KIF1B: variants seen among roughly 807,000 people sequenced by gnomAD.
The protein encoded by KIF1B is kinesin family member 1B, also known as kinesin-like protein KIF1B.
Under a neutral mutation model 241.9 loss-of-function variants are expected in KIF1B, and 76 were observed. The observed-to-expected ratio is 0.31, with a 90% CI of 0.26 to 0.38. The LOEUF is 0.38. KIF1B is among the 10% of genes least tolerant of loss of function. The pLI is 1.00. For synonymous variants in KIF1B, 750 were observed against 796.7 expected (o/e 0.94, Z 0.99); for missense variants, 1,622 against 2,271.4 (o/e 0.71, Z 5.81).
chr1:10,291,571 G>C (rs1295312938), intron 16 of KIF1B, among the ~76,000 whole-genome samples: 1 of 152,016 alleles, frequency 6.6e-6, no homozygotes, highest in Non-Finnish European at 1.5e-5. Context: ...AATTAGCCGG[G>C]CATGGTGGTG....
At chr1:10,246,605 A>AT (rs1184531417) in intron 2 of KIF1B, among the ~76,000 whole-genome samples, 1 of 152,126 alleles carries the variant, frequency 6.6e-6, no homozygotes, top group Non-Finnish European at 1.5e-5. Flanking sequence ...TTAGCCGGGC[A>AT]TGGTGGTGCA....
In KIF1B at chr1:10,294,636, G is replaced by A. The variant is rs562392355; in HGVS notation, c.1591-450G>A. 2.0e-5 allele frequency among the ~76,000 whole-genome samples: 3 copies of A among 152,304 alleles called. No individual in the cohort carries two copies. In the South Asian group the frequency reaches 6.2e-4, roughly 32 times the overall value. On this transcript the variant is annotated intron_variant, in intron 17 of 48. Transcript: ENST00000676179. Reference sequence around the variant, plus strand: ...TAGTCCCAACACTTTGGGAGGCCAAGGAGGGTGGGTCAGTTGAGGTCAGTA... The same window carrying A: ...TAGTCCCAACACTTTGGGAGGCCAAAGAGGGTGGGTCAGTTGAGGTCAGTA...
chr1:10,287,205 C>T (rs1649756265), intron 15 of KIF1B, among the ~76,000 whole-genome samples: 2 of 152,170 alleles, frequency 1.3e-5, no homozygotes, highest in African/African-American at 2.4e-5. Context: ...AGACCTGTCT[C>T]AGTGAGTAGT....
Position 10,337,019 on chromosome 1 carries a change from GAA to G in KIF1B, c.3130-51_3130-50del. The G allele has an allele frequency of 6.2e-7, 1 of 1,611,900 alleles. No individual in the cohort carries two copies. The highest frequency in any genetic ancestry group is 1.1e-5 in the South Asian group (1 of 90,730). ...GATAAACAGAAGTAAGGCAACTGGGGAAAAATACGTTTTTATACTACTTTACC... is the reference window on the plus strand; with the variant it reads ...GATAAACAGAAGTAAGGCAACTGGGGAAATACGTTTTTATACTACTTTACC... On this transcript the variant is annotated intron_variant, in intron 29 of 48. Coordinates refer to ENST00000676179, the MANE Select transcript of KIF1B (RefSeq NM_001365951.3). This position sits in a 1 kb window ranked among gnomAD's most constrained non-coding sequence, Gnocchi z 4.0.
Position 10,377,677 on chromosome 1 carries a change from G to A in KIF1B, c.*1090G>A, listed in dbSNP as rs1638924246. On this transcript the variant is annotated 3_prime_UTR_variant, in exon 49 of 49. Coordinates refer to ENST00000676179, the MANE Select transcript of KIF1B (RefSeq NM_001365951.3). ...GGGCAGGCCGGGCACAGTGGCTCAC[G>A]CCTGTAATCCAAGCACTTGGGGAGG... The A allele has an allele frequency of 5.2e-6, 1 of 192,376 alleles. No homozygotes were observed. Among genetic ancestry groups the A allele is most frequent in the Non-Finnish European group, 1.1e-5 (1 of 92,132 alleles). 11.9% of individuals were successfully genotyped at this position (192,376 alleles called of 1,614,324 possible).
At chr1:10,225,321 C>A (rs1177049980) in intron 1 of KIF1B, among the ~76,000 whole-genome samples, 6 of 151,874 alleles carry the variant, frequency 4.0e-5, no homozygotes, top group Non-Finnish European at 8.8e-5. Context: ...TTGTCTTAAA[C>A]AAACAAACAA....
At chr1:10,324,725 A>G (rs1467427263) in intron 25 of KIF1B, 33 bp from the exon 26 acceptor site, 2 of 1,612,410 alleles carry the variant, frequency 1.2e-6, no homozygotes, top group African/African-American at 1.3e-5. Context: ...ATCTCATTAT[A>G]TTAACCCAAT....
intron 43 of KIF1B, among the ~76,000 whole-genome samples, chr1:10,367,167 C>T (rs1245282594): frequency 6.6e-5 from 10 of 151,574 alleles, no homozygotes; most frequent in Admixed American, 2.0e-4. Flanking sequence ...ATGATCTTGG[C>T]TCACTGCAAC....
At chr1:10,217,564 G>T (rs1646785950) in intron 1 of KIF1B, among the ~76,000 whole-genome samples, 1 of 152,060 alleles carries the variant, frequency 6.6e-6, no homozygotes, top group African/African-American at 2.4e-5. Flanking sequence ...TGATCCACCT[G>T]CCTCAGCCTC....
intron 1 of KIF1B, among the ~76,000 whole-genome samples, chr1:10,221,180 C>T (rs1027662140): frequency 1.4e-5 from 2 of 148,094 alleles, no homozygotes; most frequent in African/African-American, 5.1e-5. Flanking sequence ...TCACTGCAAC[C>T]TCCACCTCCG....
chr1:10,373,733 T>C (rs1638808330), intron 45 of KIF1B, among the ~76,000 whole-genome samples: 1 of 152,210 alleles, frequency 6.6e-6, no homozygotes, highest in Admixed American at 6.5e-5. Context: ...GCACAGCCGT[T>C]CAGGAACCCT....
At chr1:10,320,316 A>G (rs1030903427) in intron 23 of KIF1B, among the ~76,000 whole-genome samples, 180 bp downstream of exon 23, 1 of 152,194 alleles carries the variant, frequency 6.6e-6, no homozygotes. Context: ...TCCAGGCTGT[A>G]TTTTATGAGG....
chr1:10,313,027 C>T (rs1272423549), intron 22 of KIF1B, among the ~76,000 whole-genome samples: 1 of 151,432 alleles, frequency 6.6e-6, no homozygotes, highest in Non-Finnish European at 1.5e-5. Context: ...TAACATGAGG[C>T]TAACTATATA....
rs1557743700 is a variant in KIF1B at position 10,371,238 on chromosome 1, C to CT, written c.4923dup (p.Arg1642Ter). 1 of 1,614,112 alleles carries CT rather than the reference C, an allele frequency of 6.2e-7. No homozygotes were observed. Among genetic ancestry groups the CT allele is most frequent in the South Asian group, 1.1e-5 (1 of 91,084 alleles). ...TCCACCTGTCCCTCTCTGGTAGACT[C>CT]TAGGAGCAACTCTCTGGATCAGAAG... is the stretch of plus-strand genomic sequence containing the variant. On this transcript the variant is annotated frameshift_variant, in exon 45 of 49. Transcript: ENST00000676179. LOFTEE classifies it high-confidence loss of function.
At chr1:10,355,247 C>T (rs1652934711) in intron 38 of KIF1B, 1 of 152,366 alleles carries the variant, frequency 6.6e-6, no homozygotes, top group Non-Finnish European at 1.5e-5. Flanking sequence ...TGTCTGTCCA[C>T]TTGAATTCAC....
At position 10,378,874 on chromosome 1, in the gene KIF1B, A is replaced by AT. The variant is rs1321374537; in HGVS notation, c.*2297dup. The AT allele has an allele frequency of 7.6e-4, 171 of 224,492 alleles. No homozygotes were observed. The highest frequency in any genetic ancestry group is 9.7e-4 in the Non-Finnish European group (109 of 112,858). 13.9% of individuals were successfully genotyped at this position (224,492 alleles called of 1,614,324 possible). ...GTGACCCGCGGAAACTCTATGGCGG[A>AT]TTTTTTTTTTAACTTTCTTCTTCCT... is the stretch of plus-strand genomic sequence containing the variant. On this transcript the variant is annotated 3_prime_UTR_variant, in exon 49 of 49. Coordinates refer to ENST00000676179, the MANE Select transcript of KIF1B (RefSeq NM_001365951.3).
intron 33 of KIF1B, among the ~76,000 whole-genome samples, chr1:10,343,025 A>G (rs1432684219): frequency 6.6e-6 from 1 of 152,198 alleles, no homozygotes; most frequent in African/African-American, 2.4e-5. Flanking sequence ...GAAGTCAAAC[A>G]GTTTCTCTCT....
intron 17 of KIF1B, among the ~76,000 whole-genome samples, chr1:10,293,086 C>CTTT (rs33954582): frequency 2.8e-5 from 4 of 144,982 alleles, no homozygotes; most frequent in Admixed American, 6.9e-5. Context: ...GGCCACATAA[C>CTTT]TTTTTTTTTT....
At position 10,290,263 on chromosome 1, in the gene KIF1B, G is replaced by A. The variant is rs144147433; in HGVS notation, c.1435-819G>A. 6.7e-3 allele frequency among the ~76,000 whole-genome samples: 1,025 copies of A among 151,988 alleles called. 11 individuals are homozygous for A. The highest frequency in any genetic ancestry group is 0.037 in the Middle Eastern group (11 of 294). On this transcript the variant is annotated intron_variant, in intron 15 of 48. Transcript: ENST00000676179. ...GGTGGTTTGCTGCCCCTATCAACCC[G>A]TTATCTGGGTTTTAAACCCTGTATG...
Sources: gnomAD v4.1 joint callset for allele counts (sites outside exome capture counted in the v4.1 genomes callset) on GRCh38, gnomAD v4.1.1 for gene constraint, Gnocchi (gnomAD v3.1) non-coding constraint, MANE v1.5 for transcripts, NCBI Gene and HGNC (gene_info 2026-07-23, HGNC 2026-07-21) for gene names.